Variants in FXN observed in about 807,000 individuals in gnomAD.
FXN encodes the protein frataxin, also known as frataxin, mitochondrial.
FXN carries 14 observed loss-of-function variants against 22.4 expected under a neutral mutation model. That is an observed-to-expected ratio of 0.62 (90% CI 0.41 to 0.98). FXN has a LOEUF of 0.98. FXN is among the 50% of genes least tolerant of loss of function. FXN has a pLI of 0.00. For missense variants in FXN, 267 were observed against 268.4 expected (o/e 0.99, Z 0.04); for synonymous variants, 120 against 114.1 (o/e 1.05, Z -0.33).
At chr9:69,061,845 A>G (rs564759689) in intron 3 of FXN, among the ~76,000 whole-genome samples, 1 of 152,276 alleles carries the variant, frequency 6.6e-6, no homozygotes, top group South Asian at 2.1e-4. Context: ...GTCCCTACAA[A>G]GGACATGAAC....
chr9:69,054,154 C>T lies in FXN; in HGVS notation c.384+894C>T, dbSNP rs375795061. ...TAGCTGGGATTATAGGCATCTGCCA[C>T]CATGCCCAGCTAATTTTTGCATTTT... On this transcript the variant is annotated intron_variant, in intron 3 of 4. Coordinates refer to ENST00000484259, the MANE Select transcript of FXN (RefSeq NM_000144.5). Among the ~76,000 whole-genome samples the T allele has an allele frequency of 1.1e-4, 17 of 152,270 alleles. No homozygotes were observed. The East Asian group carries it at 2.5e-3, about 23-fold the overall frequency.
intron 2 of FXN, among the ~76,000 whole-genome samples, chr9:69,052,045 A>G (rs1335571689): frequency 6.6e-6 from 1 of 150,546 alleles, no homozygotes; most frequent in Non-Finnish European, 1.5e-5. Context: ...GCGAGGTTTC[A>G]CCATGTCAGC....
At position 69,078,845 on chromosome 9, in the gene FXN, C is replaced by T. The variant is rs1832417141; in HGVS notation, c.*6083C>T. Reference sequence around the variant, plus strand: ...CTCTGCCTGGATGCCCTTGATTGTTCCATGTCCTCAGCATACCATGTTTGT... The same window carrying T: ...CTCTGCCTGGATGCCCTTGATTGTTTCATGTCCTCAGCATACCATGTTTGT... On this transcript the variant is annotated 3_prime_UTR_variant, in exon 5 of 5. Transcript: ENST00000484259. 1.0e-6 allele frequency: 1 copy of T among 985,900 alleles called. No individual in the cohort carries two copies. The highest frequency in any genetic ancestry group is 1.2e-6 in the Non-Finnish European group (1 of 830,294). The allele number at this position is 985,900 out of a possible 1,614,324, so 61.1% of individuals were successfully genotyped here.
rs35159671 is a variant in FXN at position 69,059,391 on chromosome 9, C to CTTTTTTTTTTTTTTTT, written c.385-5535_385-5520dup. On this transcript the variant is annotated intron_variant, in intron 3 of 4. Coordinates refer to ENST00000484259, the MANE Select transcript of FXN (RefSeq NM_000144.5). Reference sequence around the variant, plus strand: ...AAAAACCCCTGCTCAGAGGCAGCATCTTTTTTTTTTTTTTTTTTTTTTTTT... The same window carrying CTTTTTTTTTTTTTTTT: ...AAAAACCCCTGCTCAGAGGCAGCATCTTTTTTTTTTTTTTTTTTTTTTTTTTTTTTTTTTTTTTTTT... 4.8e-5 allele frequency among the ~76,000 whole-genome samples: 3 copies of CTTTTTTTTTTTTTTTT among 62,996 alleles called. 1 individual carries two copies. Among genetic ancestry groups the CTTTTTTTTTTTTTTTT allele is most frequent in the Non-Finnish European group, 2.6e-5 (1 of 37,984 alleles). The allele number at this position is 62,996 out of a possible 152,430, so 41.3% of individuals were successfully genotyped here. A position where few individuals can be genotyped will look rare whatever the true frequency, so the allele number is the denominator to read the frequency against.
chr9:69,064,521 G>C (rs189667925), intron 3 of FXN, among the ~76,000 whole-genome samples: 3 of 152,230 alleles, frequency 2.0e-5, no homozygotes, highest in Non-Finnish European at 4.4e-5. Context: ...TCTGATGTTT[G>C]AGTTGACGTG....
At chr9:69,036,093 G>A in intron 1 of FXN, 146 bp downstream of exon 1, 1 of 632,294 alleles carries the variant, frequency 1.6e-6, no homozygotes, top group Non-Finnish European at 2.2e-6. Flanking sequence ...GGGCGGCCCG[G>A]CGGAAGCGGC....
chr9:69,056,469 G>A (rs1831960652), intron 3 of FXN, among the ~76,000 whole-genome samples: 1 of 152,174 alleles, frequency 6.6e-6, no homozygotes, highest in African/African-American at 2.4e-5. Context: ...ACACTAACAT[G>A]TATTACAGGG....
intron 4 of FXN, 79 bp downstream of exon 4, chr9:69,065,114 A>G (rs1832145448): frequency 8.7e-7 from 1 of 1,148,434 alleles, no homozygotes; most frequent in Admixed American, 1.8e-5. Context: ...CATTTAAGAA[A>G]TGTCGGCTGA....
rs768774261 is a variant in FXN at position 69,073,501 on chromosome 9, G to A, written c.*739G>A. The A allele has an allele frequency of 2.7e-5, 27 of 985,360 alleles. No homozygotes were observed. Among genetic ancestry groups the A allele is most frequent in the African/African-American group, 7.0e-5 (4 of 57,226 alleles). The allele number at this position is 985,360 out of a possible 1,614,324, so 61.0% of individuals were successfully genotyped here. ...AGACAAGAAAAGAGGAAAAAAAGCC[G>A]TTTTCATGAGCTGAGTGATGTAGCG... On this transcript the variant is annotated 3_prime_UTR_variant, in exon 5 of 5. Coordinates refer to ENST00000484259, the MANE Select transcript of FXN (RefSeq NM_000144.5).
chr9:69,040,680 A>T (rs1299859158), intron 1 of FXN, among the ~76,000 whole-genome samples: 2 of 150,690 alleles, frequency 1.3e-5, no homozygotes, highest in Admixed American at 6.6e-5. Flanking sequence ...AGAAAAAAAT[A>T]AATAAATAAA....
chr9:69,056,273 A>G (rs962360145), intron 3 of FXN, among the ~76,000 whole-genome samples: 6 of 152,220 alleles, frequency 3.9e-5, no homozygotes, highest in African/African-American at 1.4e-4. Context: ...CTGAAAAACA[A>G]GCACTTCCAA....
chr9:69,074,784 C>T lies in FXN; in HGVS notation c.*2022C>T. ...AATAATAAAACAGTATAAACAAAAG[C>T]TAAATAGGTAAAATATTTTTTCTGA... On this transcript the variant is annotated 3_prime_UTR_variant, in exon 5 of 5. Coordinates refer to ENST00000484259, the MANE Select transcript of FXN (RefSeq NM_000144.5). The T allele has an allele frequency of 1.1e-6, 1 of 921,002 alleles. No homozygotes were observed. The highest frequency in any genetic ancestry group is 1.3e-6 in the Non-Finnish European group (1 of 771,426). 57.1% of individuals were successfully genotyped at this position (921,002 alleles called of 1,614,324 possible). A position where few individuals can be genotyped will look rare whatever the true frequency, so the allele number is the denominator to read the frequency against.
At chr9:69,046,747 G>A (rs1038940099) in intron 2 of FXN, among the ~76,000 whole-genome samples, 1 of 152,116 alleles carries the variant, frequency 6.6e-6, no homozygotes, top group Non-Finnish European at 1.5e-5. Flanking sequence ...GTTAGAGCAG[G>A]CCATGCTGCT....
At chr9:69,051,090 T>TTTTTA (rs1000389384) in intron 2 of FXN, among the ~76,000 whole-genome samples, 3 of 152,220 alleles carry the variant, frequency 2.0e-5, no homozygotes, top group Middle Eastern at 3.4e-3. Flanking sequence ...GGCCAACTCT[T>TTTTTA]TTTTATTTTA....
intron 1 of FXN, among the ~76,000 whole-genome samples, chr9:69,042,227 G>A (rs1327547302): frequency 2.1e-5 from 3 of 141,506 alleles, no homozygotes; most frequent in Non-Finnish European, 4.6e-5. Context: ...AACAGAGCAA[G>A]ACTCCGTCTC....
At chr9:69,046,677 A>G (rs1247564106) in intron 2 of FXN, among the ~76,000 whole-genome samples, 195 bp downstream of exon 2, 1 of 152,154 alleles carries the variant, frequency 6.6e-6, no homozygotes, top group Non-Finnish European at 1.5e-5. Flanking sequence ...CCCATCCCCT[A>G]CTGTTGGACA....
At chr9:69,065,127 A>G in intron 4 of FXN, 92 bp downstream of exon 4, 1 of 919,506 alleles carries the variant, frequency 1.1e-6, no homozygotes, top group South Asian at 1.4e-5. Context: ...TCGGCTGAGC[A>G]CAGTGGCTGA....
intron 3 of FXN, among the ~76,000 whole-genome samples, chr9:69,060,102 C>A (rs1338455870): frequency 6.6e-6 from 1 of 152,114 alleles, no homozygotes; most frequent in African/African-American, 2.4e-5. Context: ...GGCGTGGTGG[C>A]TCACGCCTGT....
chr9:69,074,226 A>T lies in FXN; in HGVS notation c.*1464A>T. 10 of 961,382 alleles carry T rather than the reference A, an allele frequency of 1.0e-5. No individual in the cohort carries two copies. Among genetic ancestry groups the T allele is most frequent in the Non-Finnish European group, 1.2e-5 (10 of 808,264 alleles). The allele number at this position is 961,382 out of a possible 1,614,324, so 59.6% of individuals were successfully genotyped here. A position where few individuals can be genotyped will look rare whatever the true frequency, so the allele number is the denominator to read the frequency against. On this transcript the variant is annotated 3_prime_UTR_variant, in exon 5 of 5. Transcript: ENST00000484259. ...ATAATAATAATAATAGCCATCCTTT[A>T]TTGTACCCTTACTGGGTTAATCGTA...
Sources: gnomAD v4.1 joint callset for allele counts (sites outside exome capture counted in the v4.1 genomes callset) on GRCh38, gnomAD v4.1.1 for gene constraint, MANE v1.5 for transcripts, NCBI Gene and HGNC (gene_info 2026-07-23, HGNC 2026-07-21) for gene names.